The following PEX6 variants were observed in gnomAD, a reference collection of about 807,000 sequenced individuals.
The protein encoded by PEX6 is peroxisomal biogenesis factor 6.
A neutral mutation model predicts 85.6 loss-of-function variants in PEX6; 55 were observed. The observed-to-expected ratio is 0.64, with a 90% CI of 0.52 to 0.80. The LOEUF (loss-of-function observed/expected upper bound fraction) is 0.80. Among genes scored for constraint, PEX6 ranks in the 30% least tolerant of loss-of-function variants. PEX6 has a pLI of 0.00. For synonymous variants in PEX6, 519 were observed against 549.1 expected, an observed-to-expected ratio of 0.95 and a Z score of 0.77; for missense variants, 1,099 against 1,260.3, an observed-to-expected ratio of 0.87 and a Z score of 1.94.
In PEX6 at chr6:42,969,912, G is replaced by A. The variant is rs756358409; in HGVS notation, c.1206C>T (p.Ala402=). Residue 402 remains alanine (A), a synonymous_variant, in exon 4 of 17, where the codon GCC becomes GCT. Transcript: ENST00000304611. ...APDGPASAYL[A]DTTHTSLYMV... ...TGTACAAGGAGGTATGGGTGGTGTC[G>A]GCCAAGTAGGCACTGGCTGGTCCAT... The A allele has an allele frequency of 3.9e-5, 63 of 1,614,182 alleles. No individual in the cohort carries two copies. In the East Asian group the frequency reaches 1.1e-3, roughly 28 times the overall value.
Position 42,965,393 on chromosome 6 carries a change from G to A in PEX6, c.2472-25C>T. On this transcript the variant is annotated intron_variant, in intron 13 of 16. Coordinates refer to ENST00000304611, the MANE Select transcript of PEX6 (RefSeq NM_000287.4). The surrounding 1 kb of genome is among the most constrained non-coding windows in gnomAD (Gnocchi z 5.0). The stretch of plus-strand genomic sequence containing the variant: ...CCTGGAGAGAAGGGAGCAAGGGCAA[G>A]AGTCCTTGGTGTCCCCCTTAGACTC... 1 of 1,532,928 alleles carries A rather than the reference G, an allele frequency of 6.5e-7. No homozygotes were observed. Among genetic ancestry groups the A allele is most frequent in the Non-Finnish European group, 9.0e-7 (1 of 1,107,056 alleles). The allele number at this position is 1,532,928 out of a possible 1,614,324, so 95.0% of individuals were successfully genotyped here.
Position 42,964,894 on chromosome 6 carries a change from A to G in PEX6, c.2702T>C (p.Val901Ala), listed in dbSNP as rs1209841271. The change falls in exon 16 of 17, where the codon GTG becomes GCG. Residue 901 changes from valine (V) to alanine (A), a missense_variant. Coordinates refer to ENST00000304611, the MANE Select transcript of PEX6 (RefSeq NM_000287.4). This position sits in a 1 kb window ranked among gnomAD's most constrained non-coding sequence, Gnocchi z 4.6. ...KLEPSVSLVNVLDCCPPQLTG... is the reference protein window; with the variant it reads ...KLEPSVSLVNALDCCPPQLTG... ...CAGCTGGGGAGGGCAGCAATCTAGCACGTTTACCAGGCTCACAGATGGCTC... is the reference window on the plus strand; with the variant it reads ...CAGCTGGGGAGGGCAGCAATCTAGCGCGTTTACCAGGCTCACAGATGGCTC... The G allele has an allele frequency of 6.2e-7, 1 of 1,614,150 alleles. No individual in the cohort carries two copies. The highest frequency in any genetic ancestry group is 1.7e-5 in the Admixed American group (1 of 60,014).
intron 1 of PEX6, 92 bp from the exon 2 acceptor site, chr6:42,975,130 T>C: frequency 9.0e-7 from 1 of 1,109,412 alleles, no homozygotes. Context: ...ATTTCCATCC[T>C]GTCTTTCCCA....
Position 42,968,424 on chromosome 6 carries a change from G to A in PEX6, c.1554C>T (p.Ala518=), listed in dbSNP as rs146937702. The part of the protein sequence containing the change: ...ETKLQAIFSR[A]RRCRPAVLLL... Reference sequence around the variant, plus strand: ...ACAGGACTGCAGGCCGGCAACGGCGGGCCCGGGAGAAGATGGCCTGCAGTT... The same window carrying A: ...ACAGGACTGCAGGCCGGCAACGGCGAGCCCGGGAGAAGATGGCCTGCAGTT... The change falls in exon 7 of 17, where the codon GCC becomes GCT. Residue 518 remains alanine (A), a synonymous_variant. Coordinates refer to ENST00000304611, the MANE Select transcript of PEX6 (RefSeq NM_000287.4). 6.2e-7 allele frequency: 1 copy of A among 1,612,820 alleles called. No homozygotes were observed. Among genetic ancestry groups the A allele is most frequent in the African/African-American group, 1.3e-5 (1 of 75,026 alleles).
Position 42,975,040 on chromosome 6 carries a change from T to C in PEX6, c.883-2A>G, listed in dbSNP as rs267608208. On this transcript the variant is annotated splice_acceptor_variant, in intron 1 of 16. Transcript: ENST00000304611. LOFTEE classifies it high-confidence loss of function. ...GGCGATGGAGCCTTCCAAGTACCTC[T>C]ATTAGAGAAATAACCACCACGTTAT... is the stretch of plus-strand genomic sequence containing the variant. The C allele has an allele frequency of 6.2e-7, 1 of 1,612,020 alleles. No individual in the cohort carries two copies. The highest frequency in any genetic ancestry group is 1.1e-5 in the South Asian group (1 of 91,008).
intron 1 of PEX6, 83 bp downstream of exon 1, chr6:42,978,186 G>T: frequency 6.7e-7 from 1 of 1,500,618 alleles, no homozygotes; most frequent in Non-Finnish European, 9.3e-7. Flanking sequence ...TGGGGCACGA[G>T]TCCTAAATCT....
At chr6:42,974,480 CG>C (rs1208214969) in intron 2 of PEX6, among the ~76,000 whole-genome samples, 1 of 100,500 alleles carries the variant, frequency 1.0e-5, no homozygotes, top group Admixed American at 1.4e-4. Context: ...TTTTTTGAGA[CG>C]GAGTCTCGCT....
In PEX6 at chr6:42,969,768, G is replaced by C. The variant is rs774044599; in HGVS notation, c.1267C>G (p.Pro423Ala). The C allele has an allele frequency of 6.2e-6, 10 of 1,613,704 alleles. No homozygotes were observed. The highest frequency in any genetic ancestry group is 1.7e-4 in the Middle Eastern group (1 of 5,916). ...CTCCAGAGAGTGGATTCCTCTGAAG[G>C]GAGCCATGGAACAGGGCTCAGGGTA... ...GSTLSPVPWL[P>A]SEESTLWSSL... Residue 423 changes from proline (P) to alanine (A), a missense_variant, in exon 5 of 17, where the codon CCT (proline) becomes GCT (alanine). By Grantham distance (27) the Pro-to-Ala change is conservative. Transcript: ENST00000304611.
chr6:42,977,019 A>G (rs548797889), intron 1 of PEX6, among the ~76,000 whole-genome samples: 5 of 152,314 alleles, frequency 3.3e-5, no homozygotes, highest in African/African-American at 1.2e-4. Context: ...CTGTGAGATC[A>G]TGAAAGGCTT....
intron 1 of PEX6, among the ~76,000 whole-genome samples, chr6:42,975,574 G>A (rs1770255131): frequency 6.6e-6 from 1 of 152,090 alleles, no homozygotes; most frequent in Non-Finnish European, 1.5e-5. Context: ...GTATTAACTG[G>A]TTACTCTAGT....
At chr6:42,970,664 C>T (rs1023845812) in intron 3 of PEX6, among the ~76,000 whole-genome samples, 12 of 152,100 alleles carry the variant, frequency 7.9e-5, no homozygotes, top group Non-Finnish European at 1.6e-4. Context: ...GCTGTACAAC[C>T]TTATGAATAA....
At position 42,965,769 on chromosome 6, in the gene PEX6, C is replaced by G; in HGVS notation, c.2383G>C (p.Ala795Pro). The G allele has an allele frequency of 6.2e-7, 1 of 1,614,018 alleles. No individual in the cohort carries two copies. The change falls in exon 13 of 17, where the codon GCA (alanine) becomes CCA (proline). Residue 795 changes from alanine to proline, a missense_variant. Transcript: ENST00000304611. This position sits in a 1 kb window ranked among gnomAD's most constrained non-coding sequence, Gnocchi z 5.0. The part of the protein sequence containing the change: ...VREVFARARA[A>P]APCIIFFDEL... ...TCAAAGAAGATAATGCATGGAGCTGCAGCCCTGGCCCTGGCAAACACTGAA... is the reference window on the plus strand; with the variant it reads ...TCAAAGAAGATAATGCATGGAGCTGGAGCCCTGGCCCTGGCAAACACTGAA...
rs34177781 is a variant in PEX6, at chr6:42,977,842, C to CT, written c.882+426dup. Among the ~76,000 whole-genome samples the CT allele has an allele frequency of 8.6e-3, 996 of 115,596 alleles. 14 individuals are homozygous for CT. Among genetic ancestry groups the CT allele is most frequent in the South Asian group, 0.041 (140 of 3,390 alleles). The allele number at this position is 115,596 out of a possible 152,430, so 75.8% of individuals were successfully genotyped here. A position where few individuals can be genotyped will look rare whatever the true frequency, so the allele number is the denominator to read the frequency against. On this transcript the variant is annotated intron_variant, in intron 1 of 16. Transcript: ENST00000304611. ...ATAAATGAGGCTAAGAAACATTATGCTTTTTTTTTTTTTTTTTTGAGACAG... is the reference window on the plus strand; with the variant it reads ...ATAAATGAGGCTAAGAAACATTATGCTTTTTTTTTTTTTTTTTTTGAGACAG...
chr6:42,969,781 A>G lies in PEX6; in HGVS notation c.1254T>C (p.Pro418=), dbSNP rs760255973. The change falls in exon 5 of 17, where the codon CCT becomes CCC. Residue 418 remains proline, a synonymous_variant. Coordinates refer to ENST00000304611, the MANE Select transcript of PEX6 (RefSeq NM_000287.4). ...SLYMVGSTLS[P]VPWLPSEEST... is the part of the protein sequence containing the mutation. Reference sequence around the variant, plus strand: ...ATTCCTCTGAAGGGAGCCATGGAACAGGGCTCAGGGTAGAACCCACCTGTG... The same window carrying G: ...ATTCCTCTGAAGGGAGCCATGGAACGGGGCTCAGGGTAGAACCCACCTGTG... 4 of 1,613,854 alleles carry G rather than the reference A, an allele frequency of 2.5e-6. No individual in the cohort carries two copies. Among genetic ancestry groups the G allele is most frequent in the Non-Finnish European group, 3.4e-6 (4 of 1,180,022 alleles).
At chr6:42,974,442 G>GTTTTTGTTTTTTTT (rs1561827292) in intron 2 of PEX6, among the ~76,000 whole-genome samples, 1 of 115,946 alleles carries the variant, frequency 8.6e-6, no homozygotes, top group Non-Finnish European at 1.7e-5. Flanking sequence ...TGTCTGAAAT[G>GTTTTTGTTTTTTTT]TTTTTTTTGT....
chr6:42,974,112 A>G (rs759620775), intron 2 of PEX6, 26 bp from the exon 3 acceptor site: 1 of 1,567,690 alleles, frequency 6.4e-7, no homozygotes, highest in Non-Finnish European at 8.8e-7. Flanking sequence ...GGCCCTGGTC[A>G]GGTCACAATG....
Position 42,966,673 on chromosome 6 carries a change from C to CAGGAGG in PEX6, c.1962-17_1962-16insCCTCCT. Reference sequence around the variant, plus strand: ...ACCTGCCAAACTGCAAAGAGGAACACAGGGAAGCCTCCTCACCATCAGCGT... The same window carrying CAGGAGG: ...ACCTGCCAAACTGCAAAGAGGAACACAGGAGGAGGGAAGCCTCCTCACCATCAGCGT... On this transcript the variant is annotated splice_polypyrimidine_tract_variant and intron_variant, in intron 9 of 16. Transcript: ENST00000304611. 6.2e-7 allele frequency: 1 copy of CAGGAGG among 1,614,174 alleles called. No individual in the cohort carries two copies. The highest frequency in any genetic ancestry group is 8.5e-7 in the Non-Finnish European group (1 of 1,180,024).
chr6:42,974,126 G>A (rs540441190), intron 2 of PEX6, 40 bp from the exon 3 acceptor site: 1 of 1,478,054 alleles, frequency 6.8e-7, no homozygotes, highest in African/African-American at 1.4e-5. Flanking sequence ...CACAATGGGA[G>A]TAATGAGCAT....
intron 1 of PEX6, among the ~76,000 whole-genome samples, chr6:42,975,764 G>C (rs1770270024): frequency 6.7e-6 from 1 of 149,268 alleles, no homozygotes; most frequent in Non-Finnish European, 1.5e-5. Context: ...ATGATGAAGT[G>C]CAGTGGCACA....
Sources: allele counts gnomAD v4.1 joint callset (sites outside exome capture counted in the v4.1 genomes callset), GRCh38; gene constraint gnomAD v4.1.1; non-coding constraint Gnocchi (gnomAD v3.1); transcripts MANE v1.5; gene names NCBI Gene and HGNC (gene_info 2026-07-23, HGNC 2026-07-21).